The following SMG8 variants were observed in gnomAD, a reference collection of about 807,000 sequenced individuals.
The protein encoded by SMG8 is nonsense-mediated mRNA decay factor SMG8.
Under a neutral mutation model 82.1 loss-of-function variants are expected in SMG8, and 49 were observed. The observed-to-expected ratio is 0.60, with a 90% CI of 0.47 to 0.76. SMG8 has a LOEUF of 0.76. SMG8 is among the 30% of genes least tolerant of loss of function. The pLI, the probability that SMG8 is intolerant of heterozygous loss-of-function variation, is 0.00. For synonymous variants in SMG8, 404 were observed against 430.0 expected (o/e 0.94, Z 0.75); for missense variants, 969 against 1,166.4 (o/e 0.83, Z 2.46).
intron 2 of SMG8, 110 bp from the exon 3 acceptor site, chr17:59,212,619 A>G (rs2046950555): frequency 2.7e-6 from 4 of 1,463,016 alleles, no homozygotes. Flanking sequence ...AACAGGAGCA[A>G]ATTCTTTATG....
rs775092257 is a variant in SMG8 at position 59,210,662 on chromosome 17, T to G, written c.611T>G (p.Phe204Cys). ...KLQCLSLLYL[F>C]SVCHILLLVH... Reference sequence around the variant, plus strand: ...CAGTGCCTCAGTCTCCTTTACCTATTCTCTGTCTGTCATATCTTGCTTCTG... The same window carrying G: ...CAGTGCCTCAGTCTCCTTTACCTATGCTCTGTCTGTCATATCTTGCTTCTG... Residue 204 changes from phenylalanine to cysteine, a missense_variant, in exon 1 of 4, where the codon TTC becomes TGC. This residue lies in a region of SMG8 where 662 missense variants were observed against 884.8 expected (regional missense o/e 0.75). Transcript: ENST00000300917. 2 of 1,614,048 alleles carry G rather than the reference T, an allele frequency of 1.2e-6. No homozygotes were observed. The highest frequency in any genetic ancestry group is 1.7e-6 in the Non-Finnish European group (2 of 1,179,980).
Position 59,211,840 on chromosome 17 carries a change from T to C in SMG8, c.1759+30T>C, listed in dbSNP as rs375807299. The stretch of plus-strand genomic sequence containing the variant: ...CTAAAATTTGTTCAGCATTTTGAAA[T>C]AAAAACTTTGAGCTGTGTTTTCATT... On this transcript the variant is annotated intron_variant, in intron 1 of 3. Coordinates refer to ENST00000300917, the MANE Select transcript of SMG8 (RefSeq NM_018149.7). The C allele has an allele frequency of 7.4e-6, 11 of 1,493,222 alleles. No individual in the cohort carries two copies. The African/African-American group carries it at 1.5e-4, about 21-fold the overall frequency. The allele number at this position is 1,493,222 out of a possible 1,614,324, so 92.5% of individuals were successfully genotyped here.
rs8068240 is a variant in SMG8, at chr17:59,210,890, C to T, written c.839C>T (p.Pro280Leu). The change falls in exon 1 of 4, where the codon CCT (proline) becomes CTT (leucine). Residue 280 changes from proline (P) to leucine (L), a missense_variant. Pro to Leu is a moderately conservative substitution (Grantham distance 98, BLOSUM62 -3). Coordinates refer to ENST00000300917, the MANE Select transcript of SMG8 (RefSeq NM_018149.7). ...AATGGAGCCCTCAAGGTAGAACCTC[C>T]TCGGAACCAAGACCCAGCTCATCCA... is the stretch of plus-strand genomic sequence containing the variant. ...QLNGALKVEP[P>L]RNQDPAHPDK... 5.6e-3 allele frequency: 9,068 copies of T among 1,614,120 alleles called. 384 individuals are homozygous for T. In the African/African-American group the frequency reaches 0.093, roughly 17 times the overall value.
Position 59,215,029 on chromosome 17 carries a change from A to G in SMG8, c.*27A>G, listed in dbSNP as rs933153277. 5.8e-6 allele frequency: 5 copies of G among 861,122 alleles called. No homozygotes were observed. Among genetic ancestry groups the G allele is most frequent in the Middle Eastern group, 4.4e-4 (2 of 4,562 alleles). The allele number at this position is 861,122 out of a possible 1,614,324, so 53.3% of individuals were successfully genotyped here. Reference sequence around the variant, plus strand: ...TGTTTTCCAGCCAGTTCAATCCTATACTTGAGCTGGTTTTTGTTTTTGGTA... The same window carrying G: ...TGTTTTCCAGCCAGTTCAATCCTATGCTTGAGCTGGTTTTTGTTTTTGGTA... On this transcript the variant is annotated 3_prime_UTR_variant, in exon 4 of 4. Transcript: ENST00000300917.
rs765179613 is a variant in SMG8 at position 59,213,312 on chromosome 17, C to T, written c.2489C>T (p.Ala830Val). The T allele has an allele frequency of 1.4e-5, 23 of 1,613,944 alleles. No homozygotes were observed. The highest frequency in any genetic ancestry group is 1.3e-4 in the Admixed American group (8 of 59,982). Residue 830 changes from alanine (A) to valine (V), a missense_variant, in exon 3 of 4, where the codon GCG (alanine) becomes GTG (valine). By Grantham distance (64) the Ala-to-Val change is moderately conservative (BLOSUM62 0). This residue lies in a region of SMG8 where 662 missense variants were observed against 884.8 expected (regional missense o/e 0.75). Coordinates refer to ENST00000300917, the MANE Select transcript of SMG8 (RefSeq NM_018149.7). ...AAAGCTATTCCTGGAAAGAGAAGTG[C>T]GGTTGTAATGGGAAGAGGAAGACGG... ...PNKAIPGKRS[A>V]VVMGRGRRRD... is the part of the protein sequence containing the mutation.
At position 59,210,244 on chromosome 17, in the gene SMG8, TTC is replaced by T. The variant is rs1568331750; in HGVS notation, c.199_200del (p.Leu67CysfsTer28). ...GGCTCTACGCCTGAATTCCGAGAAG[TTC>T]TCTCTTGTGAATACGGTGTGCGACC... ...KTALRLNSEK[F>X]SLVNTVCDRQ... On this transcript the variant is annotated frameshift_variant, in exon 1 of 4. Transcript: ENST00000300917. LOFTEE classifies it high-confidence loss of function. 6.2e-7 allele frequency: 1 copy of T among 1,610,994 alleles called. No homozygotes were observed. The highest frequency in any genetic ancestry group is 8.5e-7 in the Non-Finnish European group (1 of 1,178,844).
At position 59,210,158 on chromosome 17, in the gene SMG8, G is replaced by A; in HGVS notation, c.107G>A (p.Gly36Asp). Residue 36 changes from glycine to aspartate, a missense_variant, in exon 1 of 4, where the codon GGC (glycine) becomes GAC (aspartate). Transcript: ENST00000300917. Reference sequence around the variant, plus strand: ...ACTGAGGGCGGAGGGAGCGCGGCTGGCGGACCGGAGCCTCCATGGCGGGAG... The same window carrying A: ...ACTGAGGGCGGAGGGAGCGCGGCTGACGGACCGGAGCCTCCATGGCGGGAG... ...SPTEGGGSAA[G>D]GPEPPWREDE... The A allele has an allele frequency of 6.3e-7, 1 of 1,588,362 alleles. No homozygotes were observed.
At position 59,211,784 on chromosome 17, in the gene SMG8, A is replaced by T. The variant is rs1300539053; in HGVS notation, c.1733A>T (p.His578Leu). ...AGTTTAACTGATCAACACTGTGTGC[A>T]CAAATTTCACTCATTACCTAAATCA... ...ERSLTDQHCV[H>L]KFHSLPKSGE... is the part of the protein sequence containing the mutation. Residue 578 changes from histidine (H) to leucine (L), a missense_variant, in exon 1 of 4, where the codon CAC (histidine) becomes CTC (leucine). By Grantham distance (99) the His-to-Leu change is moderately conservative. Around this residue, in one of 3 missense-constraint regions of SMG8, gnomAD observed 662 missense variants for 884.8 expected, o/e 0.75. Transcript: ENST00000300917. 1 of 1,545,464 alleles carries T rather than the reference A, an allele frequency of 6.5e-7. No individual in the cohort carries two copies. The highest frequency in any genetic ancestry group is 8.7e-7 in the Non-Finnish European group (1 of 1,148,414).
chr17:59,213,830 A>G (rs1273194642), intron 3 of SMG8, among the ~76,000 whole-genome samples: 1 of 152,208 alleles, frequency 6.6e-6, no homozygotes, highest in East Asian at 1.9e-4. Context: ...TCTACAAAAA[A>G]TTAAATTAAA....
chr17:59,212,105 A>C (rs2046948267), intron 1 of SMG8: 1 of 428,696 alleles, frequency 2.3e-6, no homozygotes, highest in Non-Finnish European at 4.0e-6. Context: ...GATTTGTAGA[A>C]CTAAAATGAA....
intron 3 of SMG8, 118 bp from the exon 4 acceptor site, chr17:59,214,687 G>A (rs561663541): frequency 3.2e-5 from 21 of 660,406 alleles, no homozygotes; most frequent in African/African-American, 3.1e-4. Flanking sequence ...AATTACAGGC[G>A]TGAGCCACCA....
intron 2 of SMG8, 29 bp from the exon 3 acceptor site, chr17:59,212,700 T>C (rs2046950880): frequency 1.3e-6 from 2 of 1,556,332 alleles, no homozygotes; most frequent in African/African-American, 1.4e-5. Flanking sequence ...ATGAAAAACT[T>C]ACTGGATTTT....
In SMG8 at chr17:59,210,382, G is replaced by A; in HGVS notation, c.331G>A (p.Ala111Thr). ...CGGTGGAGCCGAGGACCCTGGGGCT[G>A]CAGCCGGGGGTTCAGTTCGGGGAAG... ...EAGGAEDPGA[A>T]AGGSVRGSGA... Residue 111 changes from alanine (A) to threonine (T), a missense_variant, in exon 1 of 4, where the codon GCA becomes ACA. By Grantham distance (58) the Ala-to-Thr change is moderately conservative. Transcript: ENST00000300917. 2 of 1,609,978 alleles carry A rather than the reference G, an allele frequency of 1.2e-6. No homozygotes were observed. The highest frequency in any genetic ancestry group is 1.7e-6 in the Non-Finnish European group (2 of 1,178,348).
chr17:59,211,592 A>T lies in SMG8; in HGVS notation c.1541A>T (p.Asn514Ile). The stretch of plus-strand genomic sequence containing the variant: ...ATGGCCCACAGTGCCTACCAGTCAA[A>T]TTTGCCTCATAATTACACAATGACT... The part of the protein sequence containing the change: ...LPMAHSAYQS[N>I]LPHNYTMTVH... Residue 514 changes from asparagine to isoleucine, a missense_variant, in exon 1 of 4, where the codon AAT becomes ATT. Transcript: ENST00000300917. 5.0e-6 allele frequency: 8 copies of T among 1,614,184 alleles called. No homozygotes were observed. Among genetic ancestry groups the T allele is most frequent in the Non-Finnish European group, 6.8e-6 (8 of 1,180,040 alleles).
At position 59,213,351 on chromosome 17, in the gene SMG8, C is replaced by T. The variant is rs140050047; in HGVS notation, c.2528C>T (p.Ala843Val). Residue 843 changes from alanine to valine, a missense_variant, in exon 3 of 4, where the codon GCT becomes GTT. By Grantham distance (64) the Ala-to-Val change is moderately conservative (BLOSUM62 0). Transcript: ENST00000300917. Reference sequence around the variant, plus strand: ...AGAGGAAGACGGCGAGATGACATAGCTCGAGCTTTTGTGGGCTTTGAATAT... The same window carrying T: ...AGAGGAAGACGGCGAGATGACATAGTTCGAGCTTTTGTGGGCTTTGAATAT... ...MGRGRRRDDI[A>V]RAFVGFEYED... 69 of 1,614,042 alleles carry T rather than the reference C, an allele frequency of 4.3e-5. No individual in the cohort carries two copies. Among genetic ancestry groups the T allele is most frequent in the Non-Finnish European group, 5.6e-5 (66 of 1,180,054 alleles).
chr17:59,210,461 T>C lies in SMG8; in HGVS notation c.410T>C (p.Leu137Pro). The stretch of plus-strand genomic sequence containing the variant: ...GAGGCAGGCTCCCAGGACTACAGCC[T>C]TCTGCAGGCCTACTACAGTCAGGAA... ...RTEAGSQDYSLLQAYYSQESK... is the reference protein window; with the variant it reads ...RTEAGSQDYSPLQAYYSQESK... The change falls in exon 1 of 4, where the codon CTT (leucine) becomes CCT (proline). Residue 137 changes from leucine to proline, a missense_variant. Transcript: ENST00000300917. 1 of 1,603,530 alleles carries C rather than the reference T, an allele frequency of 6.2e-7. No individual in the cohort carries two copies. The highest frequency in any genetic ancestry group is 2.2e-5 in the East Asian group (1 of 44,842).
chr17:59,211,283 G>C lies in SMG8; in HGVS notation c.1232G>C (p.Arg411Pro). Residue 411 changes from arginine to proline, a missense_variant, in exon 1 of 4, where the codon CGG (arginine) becomes CCG (proline). Physicochemically the swap from Arg to Pro is moderately radical, Grantham distance 103. Transcript: ENST00000300917. ...SSGQLVDFTL[R>P]EFLWQHVELV... Reference sequence around the variant, plus strand: ...GGCCAGCTAGTGGATTTCACTCTTCGGGAATTCCTATGGCAGCATGTGGAG... The same window carrying C: ...GGCCAGCTAGTGGATTTCACTCTTCCGGAATTCCTATGGCAGCATGTGGAG... The C allele has an allele frequency of 6.2e-7, 1 of 1,613,914 alleles. No homozygotes were observed. Among genetic ancestry groups the C allele is most frequent in the Non-Finnish European group, 8.5e-7 (1 of 1,179,904 alleles).
In SMG8 at chr17:59,213,509, C is replaced by T. The variant is rs144757475; in HGVS notation, c.2686C>T (p.Gln896Ter). ...GCCCTTATATATTCTGTCATCCTCT[C>T]AAGGTAGAGGGCTGAAACCTCATTA... ...DMPLYILSSS[Q>*]GRGLKPHYAQ... is the part of the protein sequence containing the mutation. The change falls in exon 3 of 4, where the codon CAA becomes TAA. Residue 896 changes from glutamine (Q) to a stop codon, truncating the protein, a stop_gained. Coordinates refer to ENST00000300917, the MANE Select transcript of SMG8 (RefSeq NM_018149.7). LOFTEE classifies it high-confidence loss of function. 6.2e-7 allele frequency: 1 copy of T among 1,614,042 alleles called. No individual in the cohort carries two copies. The highest frequency in any genetic ancestry group is 1.3e-5 in the African/African-American group (1 of 74,914).
intron 2 of SMG8, 91 bp from the exon 3 acceptor site, chr17:59,212,638 T>C (rs1568332495): frequency 6.8e-7 from 1 of 1,470,636 alleles, no homozygotes; most frequent in African/African-American, 1.4e-5. Flanking sequence ...TGTGTACATA[T>C]TTACTTACAC....
Sources: gnomAD v4.1 joint callset for allele counts (sites outside exome capture counted in the v4.1 genomes callset) on GRCh38, gnomAD v4.1.1 for gene constraint, gnomAD v4.1.1 regional missense constraint, MANE v1.5 for transcripts, NCBI Gene and HGNC (gene_info 2026-07-23, HGNC 2026-07-21) for gene names.